DNAH12: variants seen among roughly 807,000 people sequenced by gnomAD.
The protein encoded by DNAH12 is axonemal beta dynein heavy chain 12.
A neutral mutation model predicts 371.5 loss-of-function variants in DNAH12; 285 were observed. The ratio of observed to expected loss-of-function variants is 0.77; its 90% CI spans 0.70 to 0.85. DNAH12 has a LOEUF of 0.85. DNAH12 is among the 40% of genes least tolerant of loss of function. The pLI is 0.00. For missense variants in DNAH12, 3,611 were observed against 3,689.4 expected, an observed-to-expected ratio of 0.98 and a Z score of 0.55; for synonymous variants, 1,200 against 1,213.0, an observed-to-expected ratio of 0.99 and a Z score of 0.22.
At chr3:57,504,309 A>C in intron 8 of DNAH12, 105 bp from the exon 9 acceptor site, 2 of 1,019,262 alleles carry the variant, frequency 2.0e-6, no homozygotes, top group Admixed American at 5.7e-5. Context: ...ATTGTCTATA[A>C]TTAAAACATC....
chr3:57,413,909 T>C lies in DNAH12; in HGVS notation c.5857A>G (p.Ile1953Val), dbSNP rs1553683841. ...CTTTTATCCAATCTAGCCATGATAATGTTCTAAAATATGAAGGAAGAATGG... is the reference window on the plus strand; with the variant it reads ...CTTTTATCCAATCTAGCCATGATAACGTTCTAAAATATGAAGGAAGAATGG... ...ARTSANQVQN[I>V]IMARLDKRRK... Residue 1953 changes from isoleucine to valine, a missense_variant, in exon 39 of 74, where the codon ATT (isoleucine) becomes GTT (valine). Coordinates refer to ENST00000495027, the MANE Select transcript of DNAH12 (RefSeq NM_001366028.2). The C allele has an allele frequency of 2.6e-5, 41 of 1,549,212 alleles. No individual in the cohort carries two copies. Among genetic ancestry groups the C allele is most frequent in the Non-Finnish European group, 3.6e-5 (41 of 1,146,184 alleles).
chr3:57,366,241 A>G (rs2063048811), intron 57 of DNAH12, among the ~76,000 whole-genome samples: 1 of 152,210 alleles, frequency 6.6e-6, no homozygotes, highest in Non-Finnish European at 1.5e-5. Flanking sequence ...TACAAATGCT[A>G]TGACAATGTC....
chr3:57,404,947 C>A, intron 42 of DNAH12, 22 bp downstream of exon 42: 1 of 1,460,672 alleles, frequency 6.8e-7, no homozygotes, highest in African/African-American at 1.5e-5. Flanking sequence ...CAATTTCAAG[C>A]ATCAACACCA....
chr3:57,522,965 A>G (rs181969928), intron 4 of DNAH12, among the ~76,000 whole-genome samples: 159 of 152,274 alleles, frequency 1.0e-3, no homozygotes, highest in Non-Finnish European at 3.2e-4. Flanking sequence ...ACCCTAATGA[A>G]AAAGAGAGAT....
At chr3:57,549,146 G>A (rs150154783), upstream of DNAH12, among the ~76,000 whole-genome samples, 1,660 of 152,100 alleles carry the variant, frequency 0.011, 27 homozygotes, top group African/African-American at 0.037. Flanking sequence ...TATTATGGCT[G>A]CACTTGTGAA....
intron 51 of DNAH12, among the ~76,000 whole-genome samples, chr3:57,379,952 G>C (rs906646254): frequency 0.66 from 99,130 of 150,960 alleles, 33,194 homozygotes; most frequent in Non-Finnish European, 0.75. Context: ...AAAATAATAT[G>C]CTATACTTTT....
intron 4 of DNAH12, among the ~76,000 whole-genome samples, chr3:57,514,149 T>C (rs2068097639): frequency 6.6e-6 from 1 of 152,006 alleles, no homozygotes; most frequent in South Asian, 2.1e-4. Flanking sequence ...ATCCCAGCAC[T>C]TTGGGAGGCT....
intron 2 of DNAH12, among the ~76,000 whole-genome samples, chr3:57,530,039 G>C (rs1157842711): frequency 6.6e-6 from 1 of 151,980 alleles, no homozygotes; most frequent in East Asian, 1.9e-4. Flanking sequence ...TGTTTGTATA[G>C]TTTCCAAAAT....
intron 40 of DNAH12, among the ~76,000 whole-genome samples, 197 bp from the exon 41 acceptor site, chr3:57,406,149 G>A (rs555267023): frequency 2.0e-5 from 3 of 152,076 alleles, no homozygotes; most frequent in South Asian, 2.1e-4. Flanking sequence ...TCAGGAGTTC[G>A]AGACAAGCCT....
chr3:57,295,570 G>A lies in DNAH12; in HGVS notation c.11647C>T (p.Pro3883Ser). The A allele has an allele frequency of 6.5e-7, 1 of 1,543,130 alleles. No individual in the cohort carries two copies. Among genetic ancestry groups the A allele is most frequent in the Non-Finnish European group, 8.7e-7 (1 of 1,143,162 alleles). Residue 3883 changes from proline to serine, a missense_variant, in exon 73 of 74, where the codon CCC becomes TCC. Around this residue, in one of 3 missense-constraint regions of DNAH12, gnomAD observed 2,266 missense variants for 2,236.9 expected, o/e 1.01. Transcript: ENST00000495027. Reference sequence around the variant, plus strand: ...GGCATCAGGTCAAACAGAAGTTTGGGATATTGTTCAGCAAGCAATCCACTG... The same window carrying A: ...GGCATCAGGTCAAACAGAAGTTTGGAATATTGTTCAGCAAGCAATCCACTG... ...RESGLLAEQY[P>S]KLLFDLMPII...
intron 58 of DNAH12, among the ~76,000 whole-genome samples, chr3:57,362,336 T>C (rs1266002282): frequency 3.9e-5 from 6 of 152,202 alleles, no homozygotes; most frequent in African/African-American, 1.4e-4. Flanking sequence ...TACGTGTGCA[T>C]GTGTCTTTAT....
intron 11 of DNAH12, among the ~76,000 whole-genome samples, chr3:57,500,338 G>A (rs1469579936): frequency 6.6e-6 from 1 of 152,134 alleles, no homozygotes; most frequent in African/African-American, 2.4e-5. Flanking sequence ...ACTGCACCCA[G>A]CCCAGAATTA....
intron 11 of DNAH12, among the ~76,000 whole-genome samples, chr3:57,495,980 T>TC (rs1205982562): frequency 7.8e-5 from 11 of 141,906 alleles, no homozygotes; most frequent in South Asian, 4.2e-4. Context: ...TAATCCCTGA[T>TC]TTTATATATA....
Position 57,446,692 on chromosome 3 carries a change from G to A in DNAH12, c.3787-3C>T, listed in dbSNP as rs1282395630. On this transcript the variant is annotated splice_polypyrimidine_tract_variant and splice_region_variant and intron_variant, in intron 25 of 73. Coordinates refer to ENST00000495027, the MANE Select transcript of DNAH12 (RefSeq NM_001366028.2). ...AGGTTTAAATAGAAAGCACCTATCT[G>A]AAATGAAAAACACATGTGAAAAGAA... 4 of 1,482,028 alleles carry A rather than the reference G, an allele frequency of 2.7e-6. No individual in the cohort carries two copies. Among genetic ancestry groups the A allele is most frequent in the Non-Finnish European group, 3.6e-6 (4 of 1,112,538 alleles). 91.8% of individuals were successfully genotyped at this position (1,482,028 alleles called of 1,614,324 possible).
chr3:57,316,377 T>C (rs1304919160), intron 65 of DNAH12, among the ~76,000 whole-genome samples: 1 of 152,212 alleles, frequency 6.6e-6, no homozygotes, highest in Admixed American at 6.5e-5. Context: ...AATGAGGTCC[T>C]TATTGCTCTT....
At chr3:57,479,016 G>A (rs903986286) in intron 13 of DNAH12, among the ~76,000 whole-genome samples, 1 of 152,122 alleles carries the variant, frequency 6.6e-6, no homozygotes, top group Admixed American at 6.6e-5. Flanking sequence ...ACTGCATCAA[G>A]TAACGAGCAA....
At chr3:57,312,109 G>A (rs2107681610) in intron 66 of DNAH12, among the ~76,000 whole-genome samples, 1 of 152,118 alleles carries the variant, frequency 6.6e-6, no homozygotes, top group East Asian at 1.9e-4. Context: ...TGCCCCTGAA[G>A]TTTACTTAAT....
intron 55 of DNAH12, 121 bp downstream of exon 55, chr3:57,375,250 T>C (rs2063258931): frequency 6.6e-6 from 1 of 152,150 alleles, no homozygotes; most frequent in Non-Finnish European, 1.5e-5. Context: ...AAAATGTTAA[T>C]TGCAGAATCT....
intron 7 of DNAH12, 61 bp downstream of exon 7, chr3:57,508,321 C>A: frequency 7.2e-7 from 1 of 1,386,380 alleles, no homozygotes; most frequent in South Asian, 1.7e-5. Context: ...AAAAATTATA[C>A]AGTCAAAAAT....
Sources: gnomAD v4.1 joint callset for allele counts (sites outside exome capture counted in the v4.1 genomes callset) on GRCh38, gnomAD v4.1.1 for gene constraint, gnomAD v4.1.1 regional missense constraint, MANE v1.5 for transcripts, NCBI Gene and HGNC (gene_info 2026-07-23, HGNC 2026-07-21) for gene names.